Variants in SBF2 observed in about 807,000 individuals in gnomAD.
The protein encoded by SBF2 is myotubularin-related protein 13.
SBF2 carries 112 observed loss-of-function variants against 225.2 expected under a neutral mutation model. That is an observed-to-expected ratio of 0.50 (90% confidence interval 0.43 to 0.58). The LOEUF is 0.58. Among genes scored for constraint, SBF2 ranks in the 20% least tolerant of loss-of-function variants. The pLI, the probability that SBF2 is intolerant of heterozygous loss-of-function variation, is 0.00. For missense variants in SBF2, 1,996 were observed against 2,206.2 expected (o/e 0.90, Z 1.91); for synonymous variants, 763 against 773.3 (o/e 0.99, Z 0.22).
At chr11:10,157,553 A>C (rs899756832) in intron 2 of SBF2, among the ~76,000 whole-genome samples, 1 of 152,222 alleles carries the variant, frequency 6.6e-6, no homozygotes, top group Non-Finnish European at 1.5e-5. Context: ...TCTATAAGGA[A>C]CTTAAATTCA....
At position 10,285,800 on chromosome 11, in the gene SBF2, C is replaced by T. The variant is rs79611385; in HGVS notation, c.55+8215G>A. 6.3e-3 allele frequency among the ~76,000 whole-genome samples: 952 copies of T among 152,262 alleles called. 9 individuals are homozygous for T. Among genetic ancestry groups the T allele is most frequent in the African/African-American group, 0.022 (903 of 41,546 alleles). On this transcript the variant is annotated intron_variant, in intron 1 of 39. Coordinates refer to ENST00000256190, the MANE Select transcript of SBF2 (RefSeq NM_030962.4). ...CTTTGTTTGTGCATTTTGTCCAATTCTTTCTTCAAAACACCAAGAACCTGG... is the reference window on the plus strand; with the variant it reads ...CTTTGTTTGTGCATTTTGTCCAATTTTTTCTTCAAAACACCAAGAACCTGG...
At chr11:9,838,240 C>G (rs746223913) in intron 26 of SBF2, 28 of 151,708 alleles carry the variant, frequency 1.8e-4, no homozygotes, top group Admixed American at 7.9e-4. Context: ...TATTCCATTT[C>G]CTTCCTGCTA....
intron 2 of SBF2, among the ~76,000 whole-genome samples, chr11:10,184,941 T>C (rs1371046105): frequency 6.6e-6 from 1 of 152,180 alleles, no homozygotes; most frequent in Non-Finnish European, 1.5e-5. Flanking sequence ...TTAGCCAGGA[T>C]GGTCTCGATC....
At chr11:9,925,966 C>T (rs113697806) in intron 16 of SBF2, among the ~76,000 whole-genome samples, 2 of 151,616 alleles carry the variant, frequency 1.3e-5, no homozygotes, top group Admixed American at 6.6e-5. Context: ...AACGTGATAA[C>T]GTTTTCCATG....
chr11:9,850,470 C>A (rs144265031), intron 21 of SBF2, among the ~76,000 whole-genome samples: 1 of 152,130 alleles, frequency 6.6e-6, no homozygotes, highest in Non-Finnish European at 1.5e-5. Context: ...ATTGCCCAGG[C>A]TGGTCTCAAA....
At chr11:10,166,978 C>A (rs1350663904) in intron 2 of SBF2, among the ~76,000 whole-genome samples, 1 of 151,566 alleles carries the variant, frequency 6.6e-6, no homozygotes, top group Non-Finnish European at 1.5e-5. Flanking sequence ...CACACACACA[C>A]ACACACACAC....
intron 1 of SBF2, among the ~76,000 whole-genome samples, chr11:10,245,356 C>T (rs1038923332): frequency 4.0e-5 from 6 of 151,624 alleles, no homozygotes; most frequent in African/African-American, 1.5e-4. Context: ...GACTATAGTG[C>T]ACAATGACCT....
At chr11:10,066,764 T>C (rs139791339) in intron 2 of SBF2, among the ~76,000 whole-genome samples, 2 of 152,268 alleles carry the variant, frequency 1.3e-5, no homozygotes, top group African/African-American at 2.4e-5. Context: ...CTCCAGGTTC[T>C]AGCCTGGGCA....
At chr11:10,055,471 G>T (rs561763823) in intron 2 of SBF2, among the ~76,000 whole-genome samples, 1 of 148,234 alleles carries the variant, frequency 6.7e-6, no homozygotes, top group South Asian at 2.1e-4. Context: ...CAATTGCAAA[G>T]ATAAAGAATC....
chr11:9,822,196 T>C (rs1272251645), intron 28 of SBF2, among the ~76,000 whole-genome samples: 1 of 152,000 alleles, frequency 6.6e-6, no homozygotes, highest in Non-Finnish European at 1.5e-5. Flanking sequence ...AGAGGTTTCC[T>C]AATTTGCTTA....
chr11:10,199,435 T>C (rs1169468363), intron 1 of SBF2, among the ~76,000 whole-genome samples: 1 of 150,922 alleles, frequency 6.6e-6, no homozygotes, highest in Non-Finnish European at 1.5e-5. Flanking sequence ...AGACACAAAA[T>C]GAGCCCAAGC....
At chr11:10,221,007 T>C (rs905370415) in intron 1 of SBF2, among the ~76,000 whole-genome samples, 1 of 152,184 alleles carries the variant, frequency 6.6e-6, no homozygotes, top group Non-Finnish European at 1.5e-5. Context: ...GGGCTAAGCT[T>C]CTATTCCTCT....
At chr11:10,221,201 T>C (rs1290982923) in intron 1 of SBF2, among the ~76,000 whole-genome samples, 1 of 151,598 alleles carries the variant, frequency 6.6e-6, no homozygotes, top group Non-Finnish European at 1.5e-5. Flanking sequence ...CATTGCAGCC[T>C]CTGTCTCCCG....
chr11:10,089,306 A>G (rs1480017639), intron 2 of SBF2, among the ~76,000 whole-genome samples: 1 of 152,202 alleles, frequency 6.6e-6, no homozygotes, highest in Non-Finnish European at 1.5e-5. Context: ...AACTACCATC[A>G]TATATGCAGC....
intron 16 of SBF2, chr11:9,928,943 G>A: frequency 2.2e-6 from 1 of 445,764 alleles, no homozygotes; most frequent in Non-Finnish European, 4.3e-6. Flanking sequence ...TCTTGTTCGA[G>A]TTCAAAACGG....
intron 38 of SBF2, among the ~76,000 whole-genome samples, chr11:9,783,699 T>C (rs1294855012): frequency 6.6e-6 from 1 of 152,230 alleles, no homozygotes; most frequent in African/African-American, 2.4e-5. Flanking sequence ...AAAAGATTTC[T>C]TGACATAGTC....
At chr11:9,981,969 A>C (rs551127254) in intron 13 of SBF2, among the ~76,000 whole-genome samples, 1 of 152,362 alleles carries the variant, frequency 6.6e-6, no homozygotes, top group South Asian at 2.1e-4. Flanking sequence ...CAGCAGAAGA[A>C]ATAAGGAACA....
chr11:10,285,180 T>G (rs1963668729), intron 1 of SBF2, among the ~76,000 whole-genome samples: 1 of 151,884 alleles, frequency 6.6e-6, no homozygotes, highest in Non-Finnish European at 1.5e-5. Context: ...CATGGTGGCG[T>G]GCACCTGTAG....
intron 8 of SBF2, 37 bp downstream of exon 8, chr11:10,000,877 G>A: frequency 9.5e-7 from 1 of 1,051,996 alleles, no homozygotes; most frequent in Non-Finnish European, 1.5e-6. Flanking sequence ...TAAACTTCTG[G>A]ACTCAATAAC....
Sources: gnomAD v4.1 joint callset for allele counts (sites outside exome capture counted in the v4.1 genomes callset) on GRCh38, gnomAD v4.1.1 for gene constraint, MANE v1.5 for transcripts, NCBI Gene and HGNC (gene_info 2026-07-23, HGNC 2026-07-21) for gene names.